The following ZNF283 variants were observed in gnomAD, a reference collection of about 807,000 sequenced individuals.
ZNF283 encodes the protein zinc finger protein 283.
In ZNF283, 10 loss-of-function variants were observed where a neutral mutation model predicts 9.2. The ratio of observed to expected loss-of-function variants is 1.09; its 90% CI spans 0.67 to 1.85. The LOEUF (loss-of-function observed/expected upper bound fraction) is 1.85. Among genes scored for constraint, ZNF283 ranks in the 40% most tolerant of loss-of-function variants. The probability of loss-of-function intolerance (pLI) is 0.00; values close to 1 mark genes in which losing one functional copy is unlikely to be tolerated. For synonymous variants in ZNF283, 234 were observed against 244.1 expected (o/e 0.96, Z 0.38); for missense variants, 631 against 760.1 (o/e 0.83, Z 2.00).
chr19:43,827,612 C>G (rs930286582), intron 1 of ZNF283, among the ~76,000 whole-genome samples, 168 bp downstream of exon 1: 1 of 151,988 alleles, frequency 6.6e-6, no homozygotes, highest in East Asian at 1.9e-4. Flanking sequence ...TCCGGATCCT[C>G]AAGCCTGTGT....
intron 2 of ZNF283, among the ~76,000 whole-genome samples, chr19:43,828,910 G>A (rs1970585609): frequency 6.6e-6 from 1 of 152,222 alleles, no homozygotes; most frequent in Non-Finnish European, 1.5e-5. Flanking sequence ...TGTCTGCTTT[G>A]TGAGGCTTTT....
Position 43,848,978 on chromosome 19 carries a change from TAG to T in ZNF283, c.*338_*339del. 1 of 179,090 alleles carries T rather than the reference TAG, an allele frequency of 5.6e-6. No individual in the cohort carries two copies. The highest frequency in any genetic ancestry group is 1.2e-5 in the Non-Finnish European group (1 of 84,442). 11.1% of individuals were successfully genotyped at this position (179,090 alleles called of 1,614,324 possible). On this transcript the variant is annotated 3_prime_UTR_variant, in exon 7 of 7. Coordinates refer to ENST00000618787, the MANE Select transcript of ZNF283 (RefSeq NM_181845.2). ...TGGTATTTGTTAAAAAGAGTTTAAA[TAG>T]GAGGAATGTGGGAAGGACCTAAACT...
chr19:43,848,292 T>G lies in ZNF283; in HGVS notation c.1691T>G (p.Ile564Ser), dbSNP rs368529419. Residue 564 changes from isoleucine to serine, a missense_variant, in exon 7 of 7, where the codon ATT (isoleucine) becomes AGT (serine). By Grantham distance (142) the Ile-to-Ser change is moderately radical (BLOSUM62 -2). Coordinates refer to ENST00000618787, the MANE Select transcript of ZNF283 (RefSeq NM_181845.2). The part of the protein sequence containing the change: ...RGYHLTQHQK[I>S]HTGEKPFKCK... ...TATCACCTTACTCAACATCAGAAAA[T>G]TCATACCGGTGAGAAACCTTTCAAA... The G allele has an allele frequency of 2.0e-5, 33 of 1,612,932 alleles. No individual in the cohort carries two copies. The highest frequency in any genetic ancestry group is 2.8e-5 in the Non-Finnish European group (33 of 1,179,728).
intron 2 of ZNF283, among the ~76,000 whole-genome samples, chr19:43,830,330 G>A (rs934630729): frequency 2.6e-5 from 4 of 152,004 alleles, no homozygotes; most frequent in African/African-American, 7.3e-5. Flanking sequence ...TGCCTGCCTC[G>A]GGCTCCTCAA....
At chr19:43,834,285 C>A (rs1165360244) in intron 4 of ZNF283, among the ~76,000 whole-genome samples, 1 of 151,754 alleles carries the variant, frequency 6.6e-6, no homozygotes, top group South Asian at 2.1e-4. Flanking sequence ...TAAATAAAAC[C>A]TCCCCTCAAA....
chr19:43,845,510 T>A (rs935880594), intron 6 of ZNF283, among the ~76,000 whole-genome samples: 86 of 152,114 alleles, frequency 5.7e-4, no homozygotes, highest in African/African-American at 1.9e-3. Context: ...AATGAGAAGG[T>A]AGCAAGATTT....
At chr19:43,829,971 C>T (rs1288091303) in intron 2 of ZNF283, among the ~76,000 whole-genome samples, 2 of 152,140 alleles carry the variant, frequency 1.3e-5, no homozygotes, top group Non-Finnish European at 2.9e-5. Context: ...TGTAGTGTGC[C>T]GAGATCGCGC....
rs745397627 is a variant in ZNF283, at chr19:43,835,604, T to A, written c.210+12T>A. 3 of 1,570,818 alleles carry A rather than the reference T, an allele frequency of 1.9e-6. No individual in the cohort carries two copies. Among genetic ancestry groups the A allele is most frequent in the Non-Finnish European group, 2.6e-6 (3 of 1,146,356 alleles). ...GAACCATGACTGATGTAAGTTGGTA[T>A]TTTTCTCTCCATGAAATACTGTGAT... On this transcript the variant is annotated intron_variant, in intron 5 of 6. Coordinates refer to ENST00000618787, the MANE Select transcript of ZNF283 (RefSeq NM_181845.2).
At chr19:43,829,115 G>A (rs931961115) in intron 2 of ZNF283, among the ~76,000 whole-genome samples, 1 of 152,240 alleles carries the variant, frequency 6.6e-6, no homozygotes, top group Non-Finnish European at 1.5e-5. Flanking sequence ...GTCGGGCACA[G>A]TGGCTCACGC....
Position 43,847,609 on chromosome 19 carries a change from A to G in ZNF283, c.1008A>G (p.Lys336=), listed in dbSNP as rs1006000434. Residue 336 remains lysine, a synonymous_variant, in exon 7 of 7, where the codon AAA becomes AAG. Coordinates refer to ENST00000618787, the MANE Select transcript of ZNF283 (RefSeq NM_181845.2). Reference sequence around the variant, plus strand: ...TTTTTTGGGGCTCAAGCCTTGCTAAACATGAGATAATTCATACAGGTGAGA... The same window carrying G: ...TTTTTTGGGGCTCAAGCCTTGCTAAGCATGAGATAATTCATACAGGTGAGA... ...KAFFWGSSLA[K]HEIIHTGEKP... is the part of the protein sequence containing the mutation. 6.2e-6 allele frequency: 10 copies of G among 1,613,552 alleles called. No individual in the cohort carries two copies. The highest frequency in any genetic ancestry group is 1.7e-4 in the Middle Eastern group (1 of 6,060).
At chr19:43,831,211 C>T (rs1308004279) in intron 2 of ZNF283, 107 bp from the exon 3 acceptor site, 9 of 638,996 alleles carry the variant, frequency 1.4e-5, no homozygotes, top group Non-Finnish European at 2.1e-5. Context: ...AAGGTGCAGC[C>T]GTACTTACAG....
chr19:43,833,484 C>CTTTTTCTTTTTTTTTTT (rs1970810625), intron 3 of ZNF283, 21 bp from the exon 4 acceptor site: 1 of 134,760 alleles, frequency 7.4e-6, no homozygotes, highest in Non-Finnish European at 1.4e-5. Flanking sequence ...TTACCTATTT[C>CTTTTTCTTTTTTTTTTT]TTTTTTTTTT....
rs527364585 is a variant in ZNF283 at position 43,836,929 on chromosome 19, G to A, written c.211-124G>A. 214 of 1,030,062 alleles carry A rather than the reference G, an allele frequency of 2.1e-4. 3 individuals carry two copies. The South Asian group carries it at 3.0e-3, about 14-fold the overall frequency. The allele number at this position is 1,030,062 out of a possible 1,614,324, so 63.8% of individuals were successfully genotyped here. A position where few individuals can be genotyped will look rare whatever the true frequency, so the allele number is the denominator to read the frequency against. On this transcript the variant is annotated intron_variant, in intron 5 of 6. Coordinates refer to ENST00000618787, the MANE Select transcript of ZNF283 (RefSeq NM_181845.2). The stretch of plus-strand genomic sequence containing the variant: ...TTGCTTTTTCCTACCTATATCAGAG[G>A]CTTTCAGCCTACTCGATTGTTATAT...
In ZNF283 at chr19:43,847,027, C is replaced by A; in HGVS notation, c.426C>A (p.Asp142Glu). ...ATTTTTCCCAGTGGGAGATGAAGGACAAAAGTAAAACCCTTGGCCTTGAGG... is the reference window on the plus strand; with the variant it reads ...ATTTTTCCCAGTGGGAGATGAAGGAAAAAAGTAAAACCCTTGGCCTTGAGG... The part of the protein sequence containing the change: ...EINFSQWEMK[D>E]KSKTLGLEAS... Residue 142 changes from aspartate to glutamate, a missense_variant, in exon 7 of 7, where the codon GAC becomes GAA. Asp to Glu is a conservative substitution (Grantham distance 45, BLOSUM62 2). This residue lies in a region of ZNF283 where 184 missense variants were observed against 220.0 expected (regional missense o/e 0.84). Coordinates refer to ENST00000618787, the MANE Select transcript of ZNF283 (RefSeq NM_181845.2). The A allele has an allele frequency of 6.2e-7, 1 of 1,607,346 alleles. No individual in the cohort carries two copies. Among genetic ancestry groups the A allele is most frequent in the Non-Finnish European group, 8.5e-7 (1 of 1,177,188 alleles).
rs369795612 is a variant in ZNF283, at chr19:43,847,649, A to T, written c.1048A>T (p.Lys350Ter). The change falls in exon 7 of 7, where the codon AAA becomes TAA. Residue 350 changes from lysine (K) to a stop codon, truncating the protein, a stop_gained. Transcript: ENST00000618787. LOFTEE classifies it low-confidence loss of function (END_TRUNC). ...TACAGGTGAGAAACCTTATAAATGT[A>T]AAGAATGTGGGAAGGCCTTCAGTCG... ...IHTGEKPYKC[K>*]ECGKAFSRGY... 3.4e-5 allele frequency: 55 copies of T among 1,607,542 alleles called. No homozygotes were observed. The highest frequency in any genetic ancestry group is 4.4e-5 in the South Asian group (4 of 90,784).
At chr19:43,839,845 T>C (rs984978113) in intron 6 of ZNF283, among the ~76,000 whole-genome samples, 2 of 152,192 alleles carry the variant, frequency 1.3e-5, no homozygotes, top group African/African-American at 4.8e-5. Flanking sequence ...TAGCTCTTGG[T>C]CCATGGTTTC....
At chr19:43,835,721 G>A in intron 5 of ZNF283, 129 bp downstream of exon 5, 1 of 680,958 alleles carries the variant, frequency 1.5e-6, no homozygotes, top group Non-Finnish European at 2.5e-6. Flanking sequence ...AGGACTTTGG[G>A]GTTGCTTGGT....
At chr19:43,843,979 C>A (rs1052725783) in intron 6 of ZNF283, among the ~76,000 whole-genome samples, 4 of 152,160 alleles carry the variant, frequency 2.6e-5, no homozygotes, top group African/African-American at 9.7e-5. Flanking sequence ...TCATATATTT[C>A]AACCTAAATA....
intron 6 of ZNF283, chr19:43,840,864 C>T: frequency 8.4e-6 from 1 of 118,540 alleles, no homozygotes; most frequent in Non-Finnish European, 1.8e-5. Context: ...TTTTTTTCTC[C>T]TTTTTTTTTT....
Sources: allele counts gnomAD v4.1 joint callset (sites outside exome capture counted in the v4.1 genomes callset), GRCh38; gene constraint gnomAD v4.1.1; regional missense constraint gnomAD v4.1.1; transcripts MANE v1.5; gene names NCBI Gene and HGNC (gene_info 2026-07-23, HGNC 2026-07-21).